Variants in VDAC2 observed in about 807,000 individuals in gnomAD.
The protein encoded by VDAC2 is non-selective voltage-gated ion channel VDAC2.
VDAC2 carries 6 observed loss-of-function variants against 36.6 expected under a neutral mutation model. The ratio of observed to expected loss-of-function variants is 0.16; its 90% CI spans 0.09 to 0.32. The LOEUF (loss-of-function observed/expected upper bound fraction) is 0.32. Ranked by LOEUF, VDAC2 falls within the 10% of genes least tolerant of loss-of-function variation. The pLI is 1.00. For synonymous variants in VDAC2, 109 were observed against 123.8 expected, an observed-to-expected ratio of 0.88 and a Z score of 0.79; for missense variants, 247 against 346.0, an observed-to-expected ratio of 0.71 and a Z score of 2.27.
intron 3 of VDAC2, 96 bp downstream of exon 3, chr10:75,212,394 A>G (rs1841451993): frequency 3.6e-6 from 4 of 1,108,590 alleles, no homozygotes; most frequent in African/African-American, 1.6e-5. Context: ...AATTGTAAAT[A>G]TCTTGCTGCT....
chr10:75,214,005 T>C lies in VDAC2; in HGVS notation c.101-16T>C, dbSNP rs1404108705. ...AAAGGAATCATTTTGTTTCTTTTGCTGTCTATTTGTTGAAGGTTTTGGGTT... is the reference window on the plus strand; with the variant it reads ...AAAGGAATCATTTTGTTTCTTTTGCCGTCTATTTGTTGAAGGTTTTGGGTT... On this transcript the variant is annotated splice_polypyrimidine_tract_variant and intron_variant, in intron 3 of 9. Coordinates refer to ENST00000332211, the MANE Select transcript of VDAC2 (RefSeq NM_001391963.1). 6.2e-7 allele frequency: 1 copy of C among 1,612,378 alleles called. No individual in the cohort carries two copies. Among genetic ancestry groups the C allele is most frequent in the Non-Finnish European group, 8.5e-7 (1 of 1,178,818 alleles).
rs773452150 is a variant in VDAC2 at position 75,220,875 on chromosome 10, C to T, written c.489C>T (p.Gly163=). The change falls in exon 7 of 10, where the codon GGC becomes GGT. Residue 163 remains glycine (G), a synonymous_variant. Transcript: ENST00000332211. ...TTGGTTATGAGGGCTGGCTTGCTGG[C>T]TACCAGATGACCTTTGACAGTGCCA... ...AVFGYEGWLA[G]YQMTFDSAKS... is the part of the protein sequence containing the mutation. 6.2e-7 allele frequency: 1 copy of T among 1,613,618 alleles called. No individual in the cohort carries two copies. Among genetic ancestry groups the T allele is most frequent in the Non-Finnish European group, 8.5e-7 (1 of 1,179,500 alleles).
At chr10:75,217,161 A>G (rs1382199393) in intron 4 of VDAC2, among the ~76,000 whole-genome samples, 3 of 151,840 alleles carry the variant, frequency 2.0e-5, no homozygotes, top group Non-Finnish European at 4.4e-5. Context: ...GGAGGCTGAG[A>G]TAGGAGGATC....
intron 3 of VDAC2, 126 bp from the exon 4 acceptor site, chr10:75,213,895 A>G (rs1195857151): frequency 1.1e-6 from 1 of 891,346 alleles, no homozygotes; most frequent in Admixed American, 2.3e-5. Context: ...AATATTGTAT[A>G]TTAACACATT....
intron 8 of VDAC2, among the ~76,000 whole-genome samples, chr10:75,228,865 CATA>C (rs1337190088): frequency 6.6e-6 from 1 of 152,198 alleles, no homozygotes; most frequent in Non-Finnish European, 1.5e-5. Flanking sequence ...GGTGTGTCTT[CATA>C]ATGTTAGGGG....
intron 8 of VDAC2, among the ~76,000 whole-genome samples, chr10:75,225,844 G>T (rs1841937409): frequency 6.6e-6 from 1 of 151,998 alleles, no homozygotes; most frequent in African/African-American, 2.4e-5. Context: ...CCAGGCTGGA[G>T]TGCAGTGGCG....
chr10:75,230,821 T>A, intron 9 of VDAC2, 77 bp from the exon 10 acceptor site: 4 of 1,283,720 alleles, frequency 3.1e-6, no homozygotes, highest in Non-Finnish European at 4.4e-6. Flanking sequence ...TGGGGATGAC[T>A]GTGAAAGAAG....
intron 4 of VDAC2, among the ~76,000 whole-genome samples, chr10:75,216,901 A>C (rs1481593943): frequency 6.6e-6 from 1 of 152,194 alleles, no homozygotes; most frequent in South Asian, 2.1e-4. Context: ...TCACAGTGTC[A>C]GTTCAATTTA....
Position 75,214,053 on chromosome 10 carries a change from A to G in VDAC2, c.133A>G (p.Lys45Glu). ...GTTGGTGAAACTGGATGTGAAAACA[A>G]AGTCTTGCAGTGGCGTGGTGAGTGT... ...FGLVKLDVKTKSCSGVEFSTS... is the reference protein window; with the variant it reads ...FGLVKLDVKTESCSGVEFSTS... Residue 45 changes from lysine to glutamate, a missense_variant, in exon 4 of 10, where the codon AAG becomes GAG. By Grantham distance (56) the Lys-to-Glu change is moderately conservative. Transcript: ENST00000332211. The G allele has an allele frequency of 6.2e-7, 1 of 1,613,366 alleles. No homozygotes were observed. Among genetic ancestry groups the G allele is most frequent in the Non-Finnish European group, 8.5e-7 (1 of 1,179,554 alleles).
intron 5 of VDAC2, 35 bp downstream of exon 5, chr10:75,219,250 AATTT>A (rs1166192749): frequency 1.3e-6 from 2 of 1,554,140 alleles, no homozygotes; most frequent in African/African-American, 1.4e-5. Flanking sequence ...TAATTTTATT[AATTT>A]ATTTTTGTAT....
chr10:75,211,485 CG>C (rs1372697061), intron 2 of VDAC2: 18 of 1,525,844 alleles, frequency 1.2e-5, no homozygotes, highest in Non-Finnish European at 1.6e-5. Flanking sequence ...TTTGGAGGAT[CG>C]GATCAATCAC....
At chr10:75,215,810 C>T (rs1841586474) in intron 4 of VDAC2, among the ~76,000 whole-genome samples, 1 of 152,098 alleles carries the variant, frequency 6.6e-6, no homozygotes, top group South Asian at 2.1e-4. Context: ...CATCCTCCAC[C>T]TCCCAGGTTC....
chr10:75,218,695 G>A (rs1841688020), intron 4 of VDAC2, among the ~76,000 whole-genome samples: 1 of 152,030 alleles, frequency 6.6e-6, no homozygotes, highest in Non-Finnish European at 1.5e-5. Flanking sequence ...CTGGAAGGCG[G>A]AGGTTGCAGT....
chr10:75,218,790 A>G (rs377516861), intron 4 of VDAC2, among the ~76,000 whole-genome samples: 1 of 152,002 alleles, frequency 6.6e-6, no homozygotes, highest in East Asian at 1.9e-4. Flanking sequence ...CAGTTTGTTC[A>G]CTTGAGAATT....
At chr10:75,228,953 G>A (rs980129996) in intron 8 of VDAC2, among the ~76,000 whole-genome samples, 11 of 152,210 alleles carry the variant, frequency 7.2e-5, no homozygotes, top group Admixed American at 2.6e-4. Flanking sequence ...AGCCCTTGAA[G>A]TCGGTAACTA....
chr10:75,230,337 C>G (rs1313206252), intron 9 of VDAC2, among the ~76,000 whole-genome samples: 1 of 152,198 alleles, frequency 6.6e-6, no homozygotes, highest in Non-Finnish European at 1.5e-5. Flanking sequence ...AATTTATTAA[C>G]AATTATTAAC....
At chr10:75,227,577 A>ATTTTTTTTTTTTTTTTTTTTTTTTTT (rs35378957) in intron 8 of VDAC2, among the ~76,000 whole-genome samples, 1 of 99,928 alleles carries the variant, frequency 1.0e-5, no homozygotes, top group African/African-American at 4.5e-5. Context: ...AATAATAGGA[A>ATTTTTTTTTTTTTTTTTTTTTTTTTT]TTTTTTTTTT....
Position 75,220,900 on chromosome 10 carries a change from A to G in VDAC2, c.514A>G (p.Lys172Glu). Reference protein sequence around the residue: ...AGYQMTFDSAKSKLTRNNFAV... With the variant: ...AGYQMTFDSAESKLTRNNFAV... ...CTACCAGATGACCTTTGACAGTGCC[A>G]AATCAAAGCTGACAAGGAATAACTT... is the stretch of plus-strand genomic sequence containing the variant. The change falls in exon 7 of 10, where the codon AAA (lysine) becomes GAA (glutamate). Residue 172 changes from lysine (K) to glutamate (E), a missense_variant. By Grantham distance (56) the Lys-to-Glu change is moderately conservative. This residue lies in a region of VDAC2 where 159 missense variants were observed against 234.0 expected (regional missense o/e 0.68). Transcript: ENST00000332211. 6.2e-7 allele frequency: 1 copy of G among 1,613,910 alleles called. No individual in the cohort carries two copies. The highest frequency in any genetic ancestry group is 8.5e-7 in the Non-Finnish European group (1 of 1,179,770).
chr10:75,221,158 G>A (rs964412893), intron 7 of VDAC2, 188 bp downstream of exon 7: 6 of 573,334 alleles, frequency 1.0e-5, no homozygotes, highest in African/African-American at 3.7e-5. Flanking sequence ...GACCTTTGGT[G>A]CTGAGAGAGT....
Sources: allele counts gnomAD v4.1 joint callset (sites outside exome capture counted in the v4.1 genomes callset), GRCh38; gene constraint gnomAD v4.1.1; regional missense constraint gnomAD v4.1.1; transcripts MANE v1.5; gene names NCBI Gene and HGNC (gene_info 2026-07-23, HGNC 2026-07-21).